Variants in TRIM37 observed in about 807,000 individuals in gnomAD.
TRIM37 encodes tripartite motif containing 37, also known as E3 ubiquitin-protein ligase TRIM37.
A neutral mutation model predicts 129.8 loss-of-function variants in TRIM37; 80 were observed. That is an observed-to-expected ratio of 0.62 (90% CI 0.51 to 0.74). The LOEUF is 0.74. TRIM37 is among the 30% of genes least tolerant of loss of function. TRIM37 has a pLI of 0.00. For missense variants in TRIM37, 1,054 were observed against 1,176.5 expected, an observed-to-expected ratio of 0.90 and a Z score of 1.52; for synonymous variants, 389 against 387.1, an observed-to-expected ratio of 1.00 and a Z score of -0.06.
chr17:59,031,243 T>C (rs955011090), intron 18 of TRIM37, among the ~76,000 whole-genome samples: 2 of 152,218 alleles, frequency 1.3e-5, no homozygotes, highest in African/African-American at 4.8e-5. Flanking sequence ...TTTAAGAAGG[T>C]AGAAAAATAT....
chr17:59,065,975 A>G (rs943083924), intron 9 of TRIM37, among the ~76,000 whole-genome samples: 1 of 152,228 alleles, frequency 6.6e-6, no homozygotes, highest in African/African-American at 2.4e-5. Flanking sequence ...AAGAATTCCT[A>G]TGATATCCCT....
At chr17:58,981,166 G>C, downstream of TRIM37, 2 of 658,966 alleles carry the variant, frequency 3.0e-6, no homozygotes, top group Non-Finnish European at 2.5e-6. Flanking sequence ...AATGTAAATA[G>C]ATCTCTAGGA....
intron 13 of TRIM37, among the ~76,000 whole-genome samples, chr17:59,052,486 C>T (rs1435386322): frequency 6.6e-6 from 1 of 152,110 alleles, no homozygotes; most frequent in East Asian, 1.9e-4. Context: ...AGTTATCTGG[C>T]AGTAGATATC....
intron 10 of TRIM37, 148 bp from the exon 11 acceptor site, chr17:59,062,796 TAA>T: frequency 2.9e-6 from 2 of 696,068 alleles, no homozygotes; most frequent in South Asian, 3.3e-5. Flanking sequence ...AATTCCACTG[TAA>T]AAGTTTAGAT....
chr17:58,972,760 T>C, the TRIM37 span: 2 of 1,316,720 alleles, frequency 1.5e-6, no homozygotes, highest in Non-Finnish European at 2.2e-6. Context: ...TTATATCTGT[T>C]GTTTACTGTT....
At chr17:58,992,841 A>G (rs1307281740) in intron 24 of TRIM37, among the ~76,000 whole-genome samples, 1 of 152,184 alleles carries the variant, frequency 6.6e-6, no homozygotes, top group Admixed American at 6.6e-5. Flanking sequence ...ATTAGCATAC[A>G]CTAGCAAGGC....
intron 23 of TRIM37, among the ~76,000 whole-genome samples, chr17:59,000,993 G>A (rs1168885612): frequency 6.6e-6 from 1 of 152,056 alleles, no homozygotes; most frequent in Non-Finnish European, 1.5e-5. Context: ...AAGAGTTCGA[G>A]ACCAGCCTGG....
chr17:59,050,911 C>T (rs1204565139), intron 14 of TRIM37, among the ~76,000 whole-genome samples: 1 of 151,960 alleles, frequency 6.6e-6, no homozygotes, highest in African/African-American at 2.4e-5. Flanking sequence ...ACCCAGGAGG[C>T]GGAGCTTGCA....
At chr17:59,048,653 G>C (rs926677304) in intron 15 of TRIM37, among the ~76,000 whole-genome samples, 1 of 152,016 alleles carries the variant, frequency 6.6e-6, no homozygotes, top group Non-Finnish European at 1.5e-5. Flanking sequence ...CTGGAGTGCA[G>C]TGGCACAATC....
chr17:59,028,771 G>T, intron 18 of TRIM37, 48 bp from the exon 19 acceptor site: 3 of 1,593,624 alleles, frequency 1.9e-6, no homozygotes, highest in Non-Finnish European at 2.6e-6. Flanking sequence ...TAATATTAAT[G>T]AAATCATTTG....
chr17:59,047,585 A>G, intron 16 of TRIM37, 98 bp downstream of exon 16: 1 of 1,245,702 alleles, frequency 8.0e-7, no homozygotes, highest in Non-Finnish European at 1.1e-6. Context: ...AATCTTTCAA[A>G]AAAGTGCTGA....
intron 24 of TRIM37, among the ~76,000 whole-genome samples, chr17:58,986,900 T>C (rs901991042): frequency 1.3e-5 from 2 of 152,232 alleles, no homozygotes; most frequent in African/African-American, 4.8e-5. Context: ...AATAACCTTA[T>C]GGAAGATCCC....
chr17:59,041,802 G>A lies in TRIM37; in HGVS notation c.1753+11C>T, dbSNP rs750528203. 4.2e-5 allele frequency: 68 copies of A among 1,606,576 alleles called. 1 individual carries two copies. The South Asian group carries it at 5.4e-4, about 13-fold the overall frequency. On this transcript the variant is annotated intron_variant, in intron 17 of 23. Transcript: ENST00000262294. Reference sequence around the variant, plus strand: ...CAGAATGGCTTGGAGGCAGTGGAGTGACCTCATTACCTGCGGGTCCTGCAG... The same window carrying A: ...CAGAATGGCTTGGAGGCAGTGGAGTAACCTCATTACCTGCGGGTCCTGCAG...
chr17:59,017,441 G>T lies in TRIM37; in HGVS notation c.2258-17C>A, dbSNP rs1567985428. 1 of 1,613,694 alleles carries T rather than the reference G, an allele frequency of 6.2e-7. No homozygotes were observed. The highest frequency in any genetic ancestry group is 1.3e-5 in the African/African-American group (1 of 75,018). The stretch of plus-strand genomic sequence containing the variant: ...TATTTGTGGCTGCAAAGACATTTAA[G>T]AACACCTCTGAATAGGCTACTACAG... On this transcript the variant is annotated splice_polypyrimidine_tract_variant and intron_variant, in intron 19 of 23. Transcript: ENST00000262294.
chr17:59,036,248 A>T (rs1199939592), intron 17 of TRIM37, among the ~76,000 whole-genome samples: 3 of 152,114 alleles, frequency 2.0e-5, no homozygotes, highest in African/African-American at 7.2e-5. Context: ...TCTCTATAAA[A>T]AATTAGTTGG....
Position 59,106,871 on chromosome 17 carries a change from G to C in TRIM37, c.-410C>G, listed in dbSNP as rs560277149. 1 of 324,628 alleles carries C rather than the reference G, an allele frequency of 3.1e-6. No individual in the cohort carries two copies. Among genetic ancestry groups the C allele is most frequent in the African/African-American group, 2.3e-5 (1 of 44,418 alleles). 20.1% of individuals were successfully genotyped at this position (324,628 alleles called of 1,614,324 possible). A position where few individuals can be genotyped will look rare whatever the true frequency, so the allele number is the denominator to read the frequency against. On this transcript the variant is annotated 5_prime_UTR_variant, in exon 1 of 24. Coordinates refer to ENST00000262294, the MANE Select transcript of TRIM37 (RefSeq NM_015294.6). The stretch of plus-strand genomic sequence containing the variant: ...AGAGCAGCTGGGGGCGCGGCGGCGA[G>C]AGAAGCTGCGAAGCGCATGCGCGCA...
chr17:58,978,049 A>C (rs1289788340), downstream of TRIM37, among the ~76,000 whole-genome samples: 1 of 152,206 alleles, frequency 6.6e-6, no homozygotes, highest in South Asian at 2.1e-4. Flanking sequence ...TCTTGTGTCA[A>C]AGAGAACCTA....
intron 13 of TRIM37, among the ~76,000 whole-genome samples, chr17:59,054,137 A>C (rs1035723407): frequency 2.6e-5 from 4 of 152,186 alleles, no homozygotes; most frequent in Admixed American, 6.5e-5. Context: ...AATCACTCTC[A>C]AGAAAAAAAT....
chr17:59,032,550 A>G (rs544290051), intron 17 of TRIM37, among the ~76,000 whole-genome samples: 2,689 of 150,348 alleles, frequency 0.018, 35 homozygotes, highest in Middle Eastern at 0.041. Flanking sequence ...AAAAAAAAAA[A>G]AAAGAAAGAA....
Sources: allele counts gnomAD v4.1 joint callset (sites outside exome capture counted in the v4.1 genomes callset), GRCh38; gene constraint gnomAD v4.1.1; transcripts MANE v1.5; gene names NCBI Gene and HGNC (gene_info 2026-07-23, HGNC 2026-07-21).